Variants in KCNQ3 observed in about 807,000 individuals in gnomAD.
KCNQ3 encodes the protein potassium voltage-gated channel subfamily KQT member 3.
In KCNQ3, 30 loss-of-function variants were observed where a neutral mutation model predicts 92.5. The ratio of observed to expected loss-of-function variants is 0.32; its 90% CI spans 0.24 to 0.44. KCNQ3 has a LOEUF of 0.44. KCNQ3 is among the 20% of genes least tolerant of loss of function. The probability of loss-of-function intolerance (pLI) is 1.00; values close to 1 mark genes in which losing one functional copy is unlikely to be tolerated. For synonymous variants in KCNQ3, 450 were observed against 468.8 expected (o/e 0.96, Z 0.52); for missense variants, 913 against 1,140.3 (o/e 0.80, Z 2.87).
chr8:132,191,334 T>C (rs1469834091), intron 1 of KCNQ3, among the ~76,000 whole-genome samples: 1 of 152,004 alleles, frequency 6.6e-6, no homozygotes, highest in Non-Finnish European at 1.5e-5. Flanking sequence ...GTTAATTTTG[T>C]TTTTATAGAG....
At chr8:132,157,587 T>C (rs1378470774) in intron 9 of KCNQ3, among the ~76,000 whole-genome samples, 1 of 151,998 alleles carries the variant, frequency 6.6e-6, no homozygotes, top group Non-Finnish European at 1.5e-5. Context: ...ACACACTTGG[T>C]GAGGAGTGTT....
intron 1 of KCNQ3, among the ~76,000 whole-genome samples, chr8:132,317,334 A>G (rs191814702): frequency 2.6e-5 from 4 of 152,094 alleles, no homozygotes; most frequent in South Asian, 2.1e-4. Flanking sequence ...ATGCCTAAAA[A>G]CCATCAATTT....
chr8:132,203,922 A>C (rs750954053), intron 1 of KCNQ3, among the ~76,000 whole-genome samples: 4 of 152,246 alleles, frequency 2.6e-5, no homozygotes, highest in Non-Finnish European at 5.9e-5. Context: ...TCACTATTAC[A>C]ATACATTTGG....
rs1819104035 is a variant in KCNQ3 at position 132,359,416 on chromosome 8, G to A, written c.386+120731C>T. Among the ~76,000 whole-genome samples the A allele has an allele frequency of 2.6e-5, 4 of 152,146 alleles. No individual in the cohort carries two copies. The South Asian group carries it at 8.3e-4, about 32-fold the overall frequency. ...ATCATTCCTGAAGCCCTACCAGGGT[G>A]CTCACTGTGTCCTGCTGGGTGCTCC... On this transcript the variant is annotated intron_variant, in intron 1 of 14. Transcript: ENST00000388996.
At position 132,480,179 on chromosome 8, in the gene KCNQ3, C is replaced by T. The variant is rs1377732990; in HGVS notation, c.354G>A (p.Pro118=). 1 of 1,612,882 alleles carries T rather than the reference C, an allele frequency of 6.2e-7. No homozygotes were observed. The highest frequency in any genetic ancestry group is 1.3e-5 in the African/African-American group (1 of 74,848). The change falls in exon 1 of 15, where the codon CCG becomes CCA. Residue 118 remains proline, a synonymous_variant. Transcript: ENST00000388996. ...CGTGGTAAAGCAGCGCCCAGCCCCG[C>T]GGTCTCTCCAGGGCGTCGTAGATCA... The part of the protein sequence containing the change: ...QTLIYDALER[P]RGWALLYHAL...
chr8:132,238,301 T>A (rs1000413944), intron 1 of KCNQ3, among the ~76,000 whole-genome samples: 1 of 151,932 alleles, frequency 6.6e-6, no homozygotes, highest in Non-Finnish European at 1.5e-5. Flanking sequence ...GCCTATGTGG[T>A]CTTGAAATGG....
intron 1 of KCNQ3, among the ~76,000 whole-genome samples, chr8:132,446,448 G>C (rs1821679209): frequency 6.6e-6 from 1 of 152,188 alleles, no homozygotes; most frequent in Non-Finnish European, 1.5e-5. Context: ...CTGGGAATCT[G>C]TGTGTCCTTA....
intron 1 of KCNQ3, among the ~76,000 whole-genome samples, chr8:132,351,664 C>A (rs2130705493): frequency 6.6e-6 from 1 of 152,328 alleles, no homozygotes; most frequent in East Asian, 1.9e-4. Context: ...GGGCAGGGAG[C>A]TTTGCCCTTC....
chr8:132,270,016 G>C (rs140380720), intron 1 of KCNQ3, among the ~76,000 whole-genome samples: 272 of 152,168 alleles, frequency 1.8e-3, no homozygotes, highest in African/African-American at 6.5e-3. Context: ...GTGATTAATT[G>C]TTGAGTAGTT....
chr8:132,136,123 A>G (rs1260909934), intron 12 of KCNQ3, among the ~76,000 whole-genome samples: 2 of 135,666 alleles, frequency 1.5e-5, no homozygotes, highest in African/African-American at 5.4e-5. Flanking sequence ...CATCTCAAAA[A>G]AAAAAAAAAA....
intron 1 of KCNQ3, among the ~76,000 whole-genome samples, chr8:132,327,332 C>T (rs941587161): frequency 2.0e-5 from 3 of 152,092 alleles, no homozygotes; most frequent in African/African-American, 7.2e-5. Context: ...CTTTGAATTC[C>T]CATAGTGTCT....
chr8:132,463,737 T>C (rs1328456752), intron 1 of KCNQ3, among the ~76,000 whole-genome samples: 2 of 152,256 alleles, frequency 1.3e-5, no homozygotes, highest in Non-Finnish European at 2.9e-5. Context: ...CACTTTATCA[T>C]GCTCTAGGAC....
chr8:132,216,925 T>C (rs1028963239), intron 1 of KCNQ3, among the ~76,000 whole-genome samples: 2 of 152,178 alleles, frequency 1.3e-5, no homozygotes, highest in Non-Finnish European at 2.9e-5. Context: ...TCTGGAATTT[T>C]GCAAGGCTGG....
intron 1 of KCNQ3, among the ~76,000 whole-genome samples, chr8:132,187,572 T>C (rs959544395): frequency 1.3e-5 from 2 of 152,154 alleles, no homozygotes; most frequent in African/African-American, 4.8e-5. Context: ...CTTTAACCCA[T>C]GTTTGATATC....
chr8:132,298,759 A>G (rs1487822119), intron 1 of KCNQ3, among the ~76,000 whole-genome samples: 1 of 152,054 alleles, frequency 6.6e-6, no homozygotes, highest in Non-Finnish European at 1.5e-5. Flanking sequence ...AAGTACAAAA[A>G]TTTGCTGGGC....
At chr8:132,317,722 T>C (rs940929519) in intron 1 of KCNQ3, among the ~76,000 whole-genome samples, 5 of 152,126 alleles carry the variant, frequency 3.3e-5, no homozygotes, top group African/African-American at 1.2e-4. Flanking sequence ...CCTTCCCAGG[T>C]CCTCCCTCTG....
intron 1 of KCNQ3, among the ~76,000 whole-genome samples, chr8:132,236,028 T>C (rs1814805127): frequency 6.6e-6 from 1 of 152,208 alleles, no homozygotes; most frequent in Non-Finnish European, 1.5e-5. Context: ...AAGAAACAGT[T>C]GATAAATGGG....
rs187026456 is a variant in KCNQ3 at position 132,191,110 on chromosome 8, T to C, written c.387-4929A>G. Among the ~76,000 whole-genome samples, 318 of 152,312 alleles carry C rather than the reference T, an allele frequency of 2.1e-3. 1 individual carries two copies. The highest frequency in any genetic ancestry group is 6.8e-3 in the Middle Eastern group (2 of 294). ...CAGGCTGGGAGCACGACATGAAAGA[T>C]ATTGTAGATCAAATGAAGACTTTGA... On this transcript the variant is annotated intron_variant, in intron 1 of 14. Transcript: ENST00000388996.
At chr8:132,199,356 A>G (rs1202377139) in intron 1 of KCNQ3, among the ~76,000 whole-genome samples, 3 of 152,264 alleles carry the variant, frequency 2.0e-5, no homozygotes, top group Non-Finnish European at 4.4e-5. Context: ...TCTAAAAATT[A>G]GAGCACAGTT....
Sources: allele counts gnomAD v4.1 joint callset (sites outside exome capture counted in the v4.1 genomes callset), GRCh38; gene constraint gnomAD v4.1.1; transcripts MANE v1.5; gene names NCBI Gene and HGNC (gene_info 2026-07-23, HGNC 2026-07-21).